The following ABI2 variants were observed in gnomAD, a reference collection of about 807,000 sequenced individuals.
ABI2 encodes abl interactor 2.
A neutral mutation model predicts 59.2 loss-of-function variants in ABI2; 25 were observed. The observed-to-expected ratio is 0.42, with a 90% CI of 0.31 to 0.59. The LOEUF (loss-of-function observed/expected upper bound fraction) is 0.59, where lower values mean the gene tolerates loss of function less well. ABI2 is among the 20% of genes least tolerant of loss of function. The pLI is 0.14. For synonymous variants in ABI2, 213 were observed against 235.5 expected (o/e 0.90, Z 0.87); for missense variants, 545 against 681.8 (o/e 0.80, Z 2.23).
intron 11 of ABI2, among the ~76,000 whole-genome samples, chr2:203,419,320 G>C (rs2098081160): frequency 6.6e-6 from 1 of 151,016 alleles, no homozygotes; most frequent in African/African-American, 2.4e-5. Flanking sequence ...CGGTGGTCTT[G>C]ATCTCCTGAC....
chr2:203,356,525 C>T (rs1480906365), intron 1 of ABI2, among the ~76,000 whole-genome samples: 1 of 152,050 alleles, frequency 6.6e-6, no homozygotes, highest in Non-Finnish European at 1.5e-5. Flanking sequence ...CGTGCTGCCA[C>T]GCCCGGCTAA....
At chr2:203,404,566 T>C (rs2097350797) in intron 9 of ABI2, among the ~76,000 whole-genome samples, 2 of 152,168 alleles carry the variant, frequency 1.3e-5, no homozygotes, top group South Asian at 4.1e-4. Flanking sequence ...ATTTTTGTTT[T>C]GTTTTGTTTT....
intron 4 of ABI2, among the ~76,000 whole-genome samples, chr2:203,388,584 G>A (rs926170309): frequency 1.3e-5 from 2 of 152,092 alleles, no homozygotes; most frequent in Non-Finnish European, 2.9e-5. Flanking sequence ...GGGAGGCTGA[G>A]TCAGGAGAAT....
At chr2:203,392,772 A>G (rs867659802) in intron 5 of ABI2, among the ~76,000 whole-genome samples, 1 of 152,192 alleles carries the variant, frequency 6.6e-6, no homozygotes, top group African/African-American at 2.4e-5. Flanking sequence ...AAGTCCCTAG[A>G]AGAATGAAAC....
chr2:203,399,738 CTCCTGACCTCAGGTGAT>C (rs371923641), intron 8 of ABI2, among the ~76,000 whole-genome samples: 89 of 152,280 alleles, frequency 5.8e-4, no homozygotes, highest in African/African-American at 2.1e-3. Flanking sequence ...TGGTCTTGAA[CTCCTGACCTCAGGTGAT>C]CCGCCCGCCT....
At position 203,411,475 on chromosome 2, in the gene ABI2, T is replaced by G. The variant is rs542242564; in HGVS notation, c.1279+104T>G. Reference sequence around the variant, plus strand: ...ATTCATTTGCTGATACTTCAACATTTCAATATTATGAACAAATCACTGTCT... The same window carrying G: ...ATTCATTTGCTGATACTTCAACATTGCAATATTATGAACAAATCACTGTCT... On this transcript the variant is annotated intron_variant, in intron 10 of 11. Transcript: ENST00000261018. 3.4e-6 allele frequency: 3 copies of G among 892,566 alleles called. No homozygotes were observed. The East Asian group carries it at 7.6e-5, about 23-fold the overall frequency. 55.3% of individuals were successfully genotyped at this position (892,566 alleles called of 1,614,324 possible). A position where few individuals can be genotyped will look rare whatever the true frequency, so the allele number is the denominator to read the frequency against.
intron 9 of ABI2, among the ~76,000 whole-genome samples, chr2:203,410,310 C>T (rs1195377259): frequency 1.3e-5 from 2 of 152,182 alleles, no homozygotes; most frequent in Non-Finnish European, 2.9e-5. Flanking sequence ...TTAGTCTTAA[C>T]TGTATTTTGG....
chr2:203,404,033 G>T (rs548600806), intron 9 of ABI2, among the ~76,000 whole-genome samples: 2 of 152,016 alleles, frequency 1.3e-5, no homozygotes, highest in Non-Finnish European at 2.9e-5. Context: ...GATTACAGGC[G>T]TGAGTCACCG....
At chr2:203,420,628 T>C (rs1311348640) in intron 11 of ABI2, among the ~76,000 whole-genome samples, 2 of 151,980 alleles carry the variant, frequency 1.3e-5, no homozygotes, top group Admixed American at 6.6e-5. Flanking sequence ...CTCCTGACCT[T>C]GTGATCCGCC....
intron 1 of ABI2, among the ~76,000 whole-genome samples, chr2:203,360,031 A>G (rs1397719201): frequency 2.0e-5 from 3 of 151,946 alleles, no homozygotes; most frequent in Non-Finnish European, 2.9e-5. Flanking sequence ...CTAAAAGTAC[A>G]GAAATTAGCT....
chr2:203,336,371 A>G (rs1273234147), intron 1 of ABI2, among the ~76,000 whole-genome samples: 1 of 152,214 alleles, frequency 6.6e-6, no homozygotes, highest in African/African-American at 2.4e-5. Context: ...TAGGCTGCAT[A>G]GGCCAGTGCT....
chr2:203,332,880 A>G (rs1042381667), intron 1 of ABI2, among the ~76,000 whole-genome samples: 15 of 152,214 alleles, frequency 9.9e-5, no homozygotes, highest in Admixed American at 9.2e-4. Flanking sequence ...GACAGTTCAC[A>G]TAGATGCATA....
chr2:203,394,474 A>G (rs1466677045), intron 5 of ABI2: 4 of 507,998 alleles, frequency 7.9e-6, no homozygotes, highest in Admixed American at 7.1e-5. Context: ...ACAAAATTGC[A>G]TTAGCACAGG....
At chr2:203,393,892 A>G (rs2096869990) in intron 5 of ABI2, among the ~76,000 whole-genome samples, 2 of 152,256 alleles carry the variant, frequency 1.3e-5, no homozygotes, top group Non-Finnish European at 2.9e-5. Context: ...CCCCATGTGC[A>G]TCCTGTTCCC....
chr2:203,348,088 A>T (rs536913176), intron 1 of ABI2, among the ~76,000 whole-genome samples: 1 of 152,012 alleles, frequency 6.6e-6, no homozygotes, highest in Non-Finnish European at 1.5e-5. Flanking sequence ...TAAAAATACA[A>T]AAGTTAGCTG....
intron 1 of ABI2, among the ~76,000 whole-genome samples, chr2:203,343,842 A>G (rs1158885861): frequency 6.6e-6 from 1 of 152,072 alleles, no homozygotes; most frequent in Non-Finnish European, 1.5e-5. Context: ...TTAAAACACT[A>G]TTTTTTGGTG....
At position 203,384,530 on chromosome 2, in the gene ABI2, G is replaced by A. The variant is rs574837715; in HGVS notation, c.480+2324G>A. 1.1e-4 allele frequency among the ~76,000 whole-genome samples: 17 copies of A among 151,798 alleles called. No homozygotes were observed. The East Asian group carries it at 2.5e-3, about 23-fold the overall frequency. On this transcript the variant is annotated intron_variant, in intron 4 of 11. Coordinates refer to ENST00000261018, the MANE Select transcript of ABI2 (RefSeq NM_001375670.1). ...TCACTGTGTTGGCCTGGCTGGTCTC[G>A]AACTCCTGTGCTCAAGCCATCCTCT...
intron 4 of ABI2, among the ~76,000 whole-genome samples, chr2:203,385,077 C>T (rs1432153810): frequency 2.7e-5 from 4 of 150,836 alleles, no homozygotes; most frequent in Non-Finnish European, 5.9e-5. Context: ...TTGTGATCCA[C>T]CCGCCTCGGC....
chr2:203,353,332 A>T (rs989251479), intron 1 of ABI2, among the ~76,000 whole-genome samples: 4 of 152,216 alleles, frequency 2.6e-5, no homozygotes, highest in African/African-American at 7.2e-5. Context: ...CAAGCGCTTC[A>T]TAGCTACATG....
Sources: gnomAD v4.1 joint callset for allele counts (sites outside exome capture counted in the v4.1 genomes callset) on GRCh38, gnomAD v4.1.1 for gene constraint, MANE v1.5 for transcripts, NCBI Gene and HGNC (gene_info 2026-07-23, HGNC 2026-07-21) for gene names.